Variants in GRID2 observed in about 807,000 individuals in gnomAD.
GRID2 encodes glutamate ionotropic receptor delta type subunit 2.
A neutral mutation model predicts 114.8 loss-of-function variants in GRID2; 33 were observed. The ratio of observed to expected loss-of-function variants is 0.29; its 90% confidence interval spans 0.22 to 0.38. The LOEUF (loss-of-function observed/expected upper bound fraction) is 0.38. GRID2 is among the 10% of genes least tolerant of loss of function. The pLI, the probability that GRID2 is intolerant of heterozygous loss-of-function variation, is 1.00. For synonymous variants in GRID2, 505 were observed against 449.9 expected (o/e 1.12, Z -1.55); for missense variants, 1,184 against 1,257.7 (o/e 0.94, Z 0.89).
intron 14 of GRID2, among the ~76,000 whole-genome samples, chr4:93,755,432 T>A (rs1398131122): frequency 1.3e-5 from 2 of 152,180 alleles, no homozygotes; most frequent in Non-Finnish European, 2.9e-5. Flanking sequence ...TGTATCACAT[T>A]ATGTAATTTT....
chr4:93,651,979 G>A (rs1236221757), intron 14 of GRID2, among the ~76,000 whole-genome samples: 2 of 151,886 alleles, frequency 1.3e-5, no homozygotes, highest in Non-Finnish European at 2.9e-5. Context: ...GACCTCAGGT[G>A]AAAATTATCA....
intron 1 of GRID2, among the ~76,000 whole-genome samples, chr4:92,473,960 TTGGTTGTG>T (rs1722165219): frequency 9.0e-6 from 1 of 110,506 alleles, no homozygotes; most frequent in Non-Finnish European, 1.8e-5. Context: ...AATTGTTATC[TTGGTTGTG>T]TGTGTGTGTG....
At chr4:92,503,943 A>G (rs1723821265) in intron 1 of GRID2, among the ~76,000 whole-genome samples, 1 of 152,122 alleles carries the variant, frequency 6.6e-6, no homozygotes, top group South Asian at 2.1e-4. Context: ...CAATCTCAAA[A>G]TAATAACAGT....
chr4:92,654,722 G>A (rs182293751), intron 2 of GRID2, among the ~76,000 whole-genome samples: 2 of 151,414 alleles, frequency 1.3e-5, no homozygotes, highest in Non-Finnish European at 2.9e-5. Flanking sequence ...ATTGCTATTT[G>A]TGTCTTTTGC....
At chr4:92,518,172 T>G (rs972918896) in intron 1 of GRID2, among the ~76,000 whole-genome samples, 1 of 151,658 alleles carries the variant, frequency 6.6e-6, no homozygotes, top group Non-Finnish European at 1.5e-5. Flanking sequence ...TTTTTCTTTC[T>G]CTGTTATTTT....
intron 8 of GRID2, among the ~76,000 whole-genome samples, chr4:93,259,452 A>G (rs1171563675): frequency 6.6e-6 from 1 of 151,834 alleles, no homozygotes; most frequent in East Asian, 1.9e-4. Context: ...TTTTAAAATG[A>G]TTTCACAGGT....
intron 13 of GRID2, among the ~76,000 whole-genome samples, chr4:93,531,734 G>T (rs897452711): frequency 6.6e-6 from 1 of 151,886 alleles, no homozygotes; most frequent in South Asian, 2.1e-4. Context: ...ATAGACAGAT[G>T]TACATTACTA....
intron 9 of GRID2, among the ~76,000 whole-genome samples, chr4:93,421,942 G>A (rs879766327): frequency 6.6e-6 from 1 of 152,072 alleles, no homozygotes; most frequent in Non-Finnish European, 1.5e-5. Context: ...ACCATGAATG[G>A]TTATCTGTAA....
chr4:93,613,955 A>G (rs1741284326), intron 13 of GRID2, among the ~76,000 whole-genome samples: 1 of 151,546 alleles, frequency 6.6e-6, no homozygotes, highest in Non-Finnish European at 1.5e-5. Context: ...TGTGCTAGCA[A>G]TCAGCGAGAT....
At chr4:93,138,422 C>A (rs988705159) in intron 4 of GRID2, among the ~76,000 whole-genome samples, 7 of 152,110 alleles carry the variant, frequency 4.6e-5, no homozygotes, top group African/African-American at 1.2e-4. Flanking sequence ...TATGTTTGTA[C>A]CACTAAAGCT....
chr4:93,017,863 C>A, intron 2 of GRID2, among the ~76,000 whole-genome samples: 1 of 145,350 alleles, frequency 6.9e-6, no homozygotes. Context: ...ATATGTGCAC[C>A]AAGACATAAG....
chr4:92,578,583 T>A (rs1728018723), intron 1 of GRID2, among the ~76,000 whole-genome samples: 1 of 151,996 alleles, frequency 6.6e-6, no homozygotes, highest in South Asian at 2.1e-4. Context: ...GAATAACATC[T>A]TCAGAAATTT....
intron 2 of GRID2, among the ~76,000 whole-genome samples, chr4:92,873,701 GT>G (rs938221375): frequency 7.2e-5 from 11 of 151,932 alleles, no homozygotes; most frequent in Non-Finnish European, 1.6e-4. Context: ...TCTAATTGAG[GT>G]TTTTTTGTTT....
chr4:92,463,980 CA>C (rs1319846584), intron 1 of GRID2, among the ~76,000 whole-genome samples: 1 of 151,606 alleles, frequency 6.6e-6, no homozygotes, highest in African/African-American at 2.4e-5. Flanking sequence ...ACTTCTCTTC[CA>C]TTGAAATGAC....
intron 2 of GRID2, among the ~76,000 whole-genome samples, chr4:93,033,860 A>G (rs766349630): frequency 6.6e-6 from 1 of 152,136 alleles, no homozygotes; most frequent in Non-Finnish European, 1.5e-5. Flanking sequence ...TTATTTATTC[A>G]TTCATTTTAT....
chr4:93,662,083 G>T (rs1210999448), intron 14 of GRID2, among the ~76,000 whole-genome samples: 1 of 152,050 alleles, frequency 6.6e-6, no homozygotes. Flanking sequence ...ATCCCAGGCA[G>T]CTTCCTGCCT....
intron 8 of GRID2, among the ~76,000 whole-genome samples, chr4:93,295,049 T>C (rs72874941): frequency 0.054 from 8,228 of 152,164 alleles, 752 homozygotes; most frequent in African/African-American, 0.19. Context: ...CTGAAGAAGA[T>C]GAGAAATCCA....
intron 2 of GRID2, among the ~76,000 whole-genome samples, chr4:92,654,373 C>T (rs570948184): frequency 6.6e-6 from 1 of 152,114 alleles, no homozygotes; most frequent in East Asian, 1.9e-4. Context: ...TACCATCACA[C>T]TAGCAGTCAG....
At chr4:93,352,765 C>G (rs1760927909) in intron 8 of GRID2, among the ~76,000 whole-genome samples, 1 of 152,014 alleles carries the variant, frequency 6.6e-6, no homozygotes, top group Non-Finnish European at 1.5e-5. Context: ...AAATGTATTC[C>G]TAAAGAGCAA....
Sources: gnomAD v4.1 joint callset for allele counts (sites outside exome capture counted in the v4.1 genomes callset) on GRCh38, gnomAD v4.1.1 for gene constraint, MANE v1.5 for transcripts, NCBI Gene and HGNC (gene_info 2026-07-23, HGNC 2026-07-21) for gene names.